Variants in DYNLT5 observed in about 807,000 individuals in gnomAD.
DYNLT5 encodes the protein dynein light chain Tctex-type 5.
A neutral mutation model predicts 19.3 loss-of-function variants in DYNLT5; 25 were observed. The observed-to-expected ratio is 1.30, with a 90% CI of 0.95 to 1.81. The LOEUF (loss-of-function observed/expected upper bound fraction) is 1.81. Ranked by LOEUF, DYNLT5 falls within the 40% of genes most tolerant of loss-of-function variation. The pLI, the probability that DYNLT5 is intolerant of heterozygous loss-of-function variation, is 0.00. For missense variants in DYNLT5, 232 were observed against 217.9 expected (o/e 1.06, Z -0.41); for synonymous variants, 82 against 68.9 (o/e 1.19, Z -0.94).
chr1:66,756,088 CTT>C (rs2094635534), intron 2 of DYNLT5, among the ~76,000 whole-genome samples: 1 of 152,052 alleles, frequency 6.6e-6, no homozygotes, highest in Non-Finnish European at 1.5e-5. Flanking sequence ...AGAGATCACT[CTT>C]TTTAACCTAT....
chr1:66,754,959 A>C (rs488584), intron 2 of DYNLT5, among the ~76,000 whole-genome samples, 182 bp downstream of exon 2: 31,636 of 152,140 alleles, frequency 0.21, 4,159 homozygotes, highest in East Asian at 0.48. Flanking sequence ...TTAAGTGATA[A>C]GTTAATCCTA....
chr1:66,759,194 T>C (rs2094641524), intron 2 of DYNLT5, among the ~76,000 whole-genome samples: 1 of 152,156 alleles, frequency 6.6e-6, no homozygotes, highest in Non-Finnish European at 1.5e-5. Context: ...AAATGATAGA[T>C]TGTGTTGGCA....
In DYNLT5 at chr1:66,778,793, G is replaced by C. The variant is rs1645252417; in HGVS notation, c.*1339G>C. The stretch of plus-strand genomic sequence containing the variant: ...TAAAGTGATTATTCAAAATGAATTT[G>C]TCAATTTTCACTTTTTTTTTTCTGT... On this transcript the variant is annotated 3_prime_UTR_variant, in exon 5 of 5. Coordinates refer to ENST00000282670, the MANE Select transcript of DYNLT5 (RefSeq NM_152665.3). The C allele has an allele frequency of 7.4e-6, 1 of 135,728 alleles. No homozygotes were observed. The highest frequency in any genetic ancestry group is 7.4e-5 in the Admixed American group (1 of 13,502). The allele number at this position is 135,728 out of a possible 1,614,324, so 8.4% of individuals were successfully genotyped here.
chr1:66,775,649 A>T (rs1423703108), intron 3 of DYNLT5: 1 of 152,254 alleles, frequency 6.6e-6, no homozygotes, highest in Non-Finnish European at 1.5e-5. Flanking sequence ...GAAAGGAGGG[A>T]CATTTTTACC....
In DYNLT5 at chr1:66,770,299, C is replaced by G; in HGVS notation, c.120-88C>G. On this transcript the variant is annotated intron_variant, in intron 2 of 4. Transcript: ENST00000282670. ...TTGAAATTTTCTGAGAAAACTTCAT[C>G]TTTGTAACATTTTAGCTTAAAGCAA... 2.8e-5 allele frequency: 25 copies of G among 903,034 alleles called. No individual in the cohort carries two copies. The South Asian group carries it at 3.8e-4, about 14-fold the overall frequency. The allele number at this position is 903,034 out of a possible 1,614,324, so 55.9% of individuals were successfully genotyped here.
chr1:66,759,839 A>G (rs2094642745), intron 2 of DYNLT5, among the ~76,000 whole-genome samples: 1 of 152,244 alleles, frequency 6.6e-6, no homozygotes, highest in South Asian at 2.1e-4. Context: ...AAGAGCTTAC[A>G]GAATAATGGC....
At chr1:66,762,972 T>C (rs1440445534) in intron 2 of DYNLT5, among the ~76,000 whole-genome samples, 1 of 152,162 alleles carries the variant, frequency 6.6e-6, no homozygotes, top group African/African-American at 2.4e-5. Flanking sequence ...AAATATCACA[T>C]GTTCCCCATA....
intron 2 of DYNLT5, among the ~76,000 whole-genome samples, chr1:66,757,915 C>A (rs1482123957): frequency 6.6e-6 from 1 of 152,180 alleles, no homozygotes; most frequent in African/African-American, 2.4e-5. Flanking sequence ...GCCACTTTCG[C>A]ACTGTAACAG....
rs183428396 is a variant in DYNLT5 at position 66,778,105 on chromosome 1, G to T, written c.*651G>T. On this transcript the variant is annotated 3_prime_UTR_variant, in exon 5 of 5. Transcript: ENST00000282670. The stretch of plus-strand genomic sequence containing the variant: ...CACAATTGTGGGAGAACCGAAAGTT[G>T]GCTCTTCAGTAATGGAAACTATAAA... 6.6e-6 allele frequency: 1 copy of T among 152,570 alleles called. No individual in the cohort carries two copies. Among genetic ancestry groups the T allele is most frequent in the Non-Finnish European group, 1.5e-5 (1 of 68,024 alleles). The allele number at this position is 152,570 out of a possible 1,614,324, so 9.5% of individuals were successfully genotyped here.
At position 66,778,839 on chromosome 1, in the gene DYNLT5, G is replaced by A. The variant is rs1175703964; in HGVS notation, c.*1385G>A. 6.6e-6 allele frequency: 1 copy of A among 151,686 alleles called. No homozygotes were observed. Among genetic ancestry groups the A allele is most frequent in the Non-Finnish European group, 1.5e-5 (1 of 67,958 alleles). The allele number at this position is 151,686 out of a possible 1,614,324, so 9.4% of individuals were successfully genotyped here. On this transcript the variant is annotated 3_prime_UTR_variant, in exon 5 of 5. Coordinates refer to ENST00000282670, the MANE Select transcript of DYNLT5 (RefSeq NM_152665.3). ...TCTGTTAGTGCATTAGTGGGAATATGTCTATGTAATAATTTATCACAACCA... is the reference window on the plus strand; with the variant it reads ...TCTGTTAGTGCATTAGTGGGAATATATCTATGTAATAATTTATCACAACCA...
At chr1:66,770,849 A>C (rs1645199768) in intron 3 of DYNLT5, 1 of 277,850 alleles carries the variant, frequency 3.6e-6, no homozygotes, top group Admixed American at 4.9e-5. Context: ...GGTGAAGGAA[A>C]AAAAAAAACT....
chr1:66,756,073 G>T (rs2094635521), intron 2 of DYNLT5, among the ~76,000 whole-genome samples: 1 of 152,010 alleles, frequency 6.6e-6, no homozygotes, highest in African/African-American at 2.4e-5. Flanking sequence ...TACATTTGAA[G>T]AATTAGAGAT....
At chr1:66,759,897 T>A (rs1200041931) in intron 2 of DYNLT5, among the ~76,000 whole-genome samples, 11 of 152,162 alleles carry the variant, frequency 7.2e-5, no homozygotes, top group Non-Finnish European at 4.4e-5. Context: ...TGCAACTTTA[T>A]CTTCTTTCAC....
rs576323393 is a variant in DYNLT5, at chr1:66,777,418, C to A, written c.504C>A (p.Phe168Leu). 6.2e-7 allele frequency: 1 copy of A among 1,613,774 alleles called. No homozygotes were observed. Among genetic ancestry groups the A allele is most frequent in the Non-Finnish European group, 8.5e-7 (1 of 1,179,826 alleles). Residue 168 changes from phenylalanine to leucine, a missense_variant, in exon 5 of 5, where the codon TTC becomes TTA. Coordinates refer to ENST00000282670, the MANE Select transcript of DYNLT5 (RefSeq NM_152665.3). ...ATGTTTTCAGAAATTCTTCTCTCTT[C>A]GCTCTTGCAAATGTCTATGCAGTTT... is the stretch of plus-strand genomic sequence containing the variant. ...SSYVFRNSSL[F>L]ALANVYAVYL...
intron 2 of DYNLT5, among the ~76,000 whole-genome samples, chr1:66,756,939 A>C (rs1033993096): frequency 1.3e-4 from 20 of 151,998 alleles, no homozygotes; most frequent in Admixed American, 4.6e-4. Flanking sequence ...GGCTTTCTTC[A>C]CTTCTTCCAT....
At chr1:66,759,017 A>T (rs1268766516) in intron 2 of DYNLT5, among the ~76,000 whole-genome samples, 1 of 152,172 alleles carries the variant, frequency 6.6e-6, no homozygotes, top group East Asian at 1.9e-4. Context: ...CTCCCCCAAA[A>T]AGAGAAAATA....
intron 3 of DYNLT5, among the ~76,000 whole-genome samples, chr1:66,774,194 A>G (rs1353188998): frequency 2.0e-5 from 3 of 152,154 alleles, no homozygotes; most frequent in Admixed American, 1.3e-4. Flanking sequence ...CCTTACCACC[A>G]TGAAAAACAT....
intron 2 of DYNLT5, among the ~76,000 whole-genome samples, chr1:66,758,980 C>T (rs1291879721): frequency 6.6e-6 from 1 of 151,958 alleles, no homozygotes; most frequent in African/African-American, 2.4e-5. Context: ...AACTAAAGCC[C>T]CCAACAAGAC....
intron 2 of DYNLT5, among the ~76,000 whole-genome samples, chr1:66,768,385 T>C (rs1314422142): frequency 6.6e-6 from 1 of 152,222 alleles, no homozygotes; most frequent in African/African-American, 2.4e-5. Flanking sequence ...TTTGAATTTG[T>C]AAAATGAGCA....
Sources: gnomAD v4.1 joint callset for allele counts (sites outside exome capture counted in the v4.1 genomes callset) on GRCh38, gnomAD v4.1.1 for gene constraint, MANE v1.5 for transcripts, NCBI Gene and HGNC (gene_info 2026-07-23, HGNC 2026-07-21) for gene names.